The following PREX2 variants were observed in gnomAD, a reference collection of about 807,000 sequenced individuals.
PREX2 encodes the protein phosphatidylinositol 3,4,5-trisphosphate-dependent Rac exchanger 2 protein.
PREX2 carries 107 observed loss-of-function variants against 203.2 expected under a neutral mutation model. That is an observed-to-expected ratio of 0.53 (90% confidence interval 0.45 to 0.62). The LOEUF is 0.62. PREX2 is among the 20% of genes least tolerant of loss of function. PREX2 has a pLI of 0.00. For synonymous variants in PREX2, 672 were observed against 663.6 expected (o/e 1.01, Z -0.19); for missense variants, 1,777 against 1,955.9 (o/e 0.91, Z 1.72).
At chr8:68,184,946 C>T (rs1179424124) in intron 35 of PREX2, among the ~76,000 whole-genome samples, 2 of 152,172 alleles carry the variant, frequency 1.3e-5, no homozygotes, top group African/African-American at 2.4e-5. Context: ...ATTACTTACC[C>T]ATTTGATAAA....
chr8:68,188,350 G>C (rs1452916030), intron 35 of PREX2, among the ~76,000 whole-genome samples: 2 of 152,106 alleles, frequency 1.3e-5, no homozygotes, highest in African/African-American at 4.8e-5. Flanking sequence ...CACTTCAAAT[G>C]AACTTACAAA....
At chr8:68,115,978 A>G in intron 26 of PREX2, 46 bp downstream of exon 26, 1 of 1,468,218 alleles carries the variant, frequency 6.8e-7, no homozygotes, top group Non-Finnish European at 9.2e-7. Flanking sequence ...AAAGTCAAAT[A>G]TGATGCTGGA....
chr8:67,963,107 G>A (rs1805676850), intron 1 of PREX2, among the ~76,000 whole-genome samples: 1 of 152,122 alleles, frequency 6.6e-6, no homozygotes, highest in Non-Finnish European at 1.5e-5. Context: ...CTCCCATGCA[G>A]ATAAGTGTGG....
chr8:68,022,422 T>A (rs1350341869), intron 4 of PREX2, among the ~76,000 whole-genome samples: 2 of 152,132 alleles, frequency 1.3e-5, no homozygotes, highest in Non-Finnish European at 2.9e-5. Context: ...CATCACTGCT[T>A]TATAGCCCCA....
Position 68,027,209 on chromosome 8 carries a change from A to G in PREX2, c.442-13A>G. The G allele has an allele frequency of 6.3e-7, 1 of 1,590,634 alleles. No individual in the cohort carries two copies. Among genetic ancestry groups the G allele is most frequent in the South Asian group, 1.1e-5 (1 of 90,186 alleles). On this transcript the variant is annotated splice_polypyrimidine_tract_variant and intron_variant, in intron 4 of 39. Transcript: ENST00000288368. ...ATTAAAGATGTAATTAATTTTGATT[A>G]TTTTCACCCCAGAACTGCATGCTGC...
chr8:68,077,331 T>C, intron 14 of PREX2, 66 bp from the exon 15 acceptor site: 1 of 1,144,012 alleles, frequency 8.7e-7, no homozygotes, highest in South Asian at 1.2e-5. Context: ...GAATGTTAAA[T>C]GGAGCAAAGC....
At chr8:68,110,146 A>C (rs1330362078) in intron 25 of PREX2, among the ~76,000 whole-genome samples, 1 of 152,200 alleles carries the variant, frequency 6.6e-6, no homozygotes, top group Non-Finnish European at 1.5e-5. Flanking sequence ...TACCTGTGCC[A>C]GTATTTTTAA....
rs560127840 is a variant in PREX2, at chr8:68,117,932, A to G, written c.3327-618A>G. On this transcript the variant is annotated intron_variant, in intron 26 of 39. Transcript: ENST00000288368. ...GCAAGTTATCTAATTACTGGCATGT[A>G]TCATGAAACAGATTATAAAGAATTT... Among the ~76,000 whole-genome samples the G allele has an allele frequency of 7.2e-5, 11 of 152,338 alleles. No homozygotes were observed. In the South Asian group the frequency reaches 2.1e-3, roughly 29 times the overall value.
chr8:68,102,933 A>G (rs771906265), intron 23 of PREX2: 41 of 517,852 alleles, frequency 7.9e-5, no homozygotes, highest in Non-Finnish European at 1.5e-4. Context: ...GACAATTCGG[A>G]AGTAAAATTA....
At chr8:68,019,505 A>C (rs201845880) in intron 2 of PREX2, 44 bp from the exon 3 acceptor site, 6 of 1,544,884 alleles carry the variant, frequency 3.9e-6, no homozygotes, top group Non-Finnish European at 5.3e-6. Flanking sequence ...ACTTAAAAAA[A>C]TTGCTTCACT....
chr8:68,163,488 A>G (rs1312558655), intron 35 of PREX2, among the ~76,000 whole-genome samples: 1 of 152,244 alleles, frequency 6.6e-6, no homozygotes, highest in Non-Finnish European at 1.5e-5. Context: ...GAATTTCATA[A>G]GGAGGCCAAT....
intron 1 of PREX2, among the ~76,000 whole-genome samples, chr8:67,959,810 C>T (rs1478611661): frequency 6.6e-6 from 1 of 152,180 alleles, no homozygotes; most frequent in Non-Finnish European, 1.5e-5. Context: ...CACACTGGGA[C>T]AGTGAGGTGA....
chr8:68,210,055 A>G (rs1327806766), intron 37 of PREX2, among the ~76,000 whole-genome samples: 1 of 152,236 alleles, frequency 6.6e-6, no homozygotes, highest in Non-Finnish European at 1.5e-5. Flanking sequence ...TTCAAAGTCT[A>G]AACGTGTATC....
At chr8:68,180,724 G>A (rs1428151066) in intron 35 of PREX2, among the ~76,000 whole-genome samples, 3 of 152,084 alleles carry the variant, frequency 2.0e-5, no homozygotes, top group Non-Finnish European at 4.4e-5. Flanking sequence ...AGAGATTCAG[G>A]ACTTGATATC....
intron 31 of PREX2, 51 bp from the exon 32 acceptor site, chr8:68,134,008 C>T (rs1339270556): frequency 4.1e-6 from 6 of 1,455,032 alleles, no homozygotes; most frequent in Non-Finnish European, 5.8e-6. Flanking sequence ...CATTGGTTTT[C>T]ACCATCTGCA....
rs1371560750 is a variant in PREX2, at chr8:68,118,644, G to T, written c.3421G>T (p.Gly1141Cys). 5.6e-6 allele frequency: 9 copies of T among 1,611,440 alleles called. No individual in the cohort carries two copies. Among genetic ancestry groups the T allele is most frequent in the Non-Finnish European group, 7.6e-6 (9 of 1,177,664 alleles). Residue 1141 changes from glycine (G) to cysteine (C), a missense_variant and splice_region_variant, in exon 27 of 40, where the codon GGT (glycine) becomes TGT (cysteine). Gly to Cys is a radical substitution (Grantham distance 159). Coordinates refer to ENST00000288368, the MANE Select transcript of PREX2 (RefSeq NM_024870.4). Reference protein sequence around the residue: ...SYFHSDEMDSGDELPLSVRIS... With the variant: ...SYFHSDEMDSCDELPLSVRIS... ...TTTCCACAGTGATGAAATGGACTCA[G>T]GTGTGTTCGTTGGTGAAGGCCTGTG...
chr8:68,160,941 T>C (rs1811641165), intron 35 of PREX2, among the ~76,000 whole-genome samples: 2 of 152,308 alleles, frequency 1.3e-5, no homozygotes, highest in South Asian at 4.1e-4. Context: ...TACCAAGTTC[T>C]ACCTTTGCAT....
chr8:67,974,509 T>C (rs898414031), intron 1 of PREX2, among the ~76,000 whole-genome samples: 2 of 152,180 alleles, frequency 1.3e-5, no homozygotes, highest in Non-Finnish European at 2.9e-5. Flanking sequence ...AATATGCTAG[T>C]TCATTACATT....
chr8:68,066,667 T>G (rs1287163580), intron 11 of PREX2, among the ~76,000 whole-genome samples: 1 of 152,118 alleles, frequency 6.6e-6, no homozygotes, highest in East Asian at 1.9e-4. Context: ...CCATAGATTG[T>G]CTTTTAATTT....
Sources: gnomAD v4.1 joint callset for allele counts (sites outside exome capture counted in the v4.1 genomes callset) on GRCh38, gnomAD v4.1.1 for gene constraint, MANE v1.5 for transcripts, NCBI Gene and HGNC (gene_info 2026-07-23, HGNC 2026-07-21) for gene names.